The following ARMC9 variants were observed in gnomAD, a reference collection of about 807,000 sequenced individuals.
The protein encoded by ARMC9 is lisH domain-containing protein ARMC9.
A neutral mutation model predicts 107.0 loss-of-function variants in ARMC9; 94 were observed. The ratio of observed to expected loss-of-function variants is 0.88; its 90% CI spans 0.74 to 1.04. The LOEUF is 1.04. ARMC9 is among the 50% of genes least tolerant of loss of function. ARMC9 has a pLI of 0.00. For synonymous variants in ARMC9, 380 were observed against 396.9 expected (o/e 0.96, Z 0.51); for missense variants, 942 against 1,030.1 (o/e 0.91, Z 1.17).
chr2:231,355,606 G>T (rs1046905045), intron 21 of ARMC9, among the ~76,000 whole-genome samples, 192 bp from the exon 22 acceptor site: 6 of 152,238 alleles, frequency 3.9e-5, no homozygotes, highest in African/African-American at 1.2e-4. Context: ...GGAACAAGGG[G>T]AGGCTACTGC....
At chr2:231,219,763 T>C (rs2033913651) in intron 5 of ARMC9, among the ~76,000 whole-genome samples, 1 of 152,104 alleles carries the variant, frequency 6.6e-6, no homozygotes, top group South Asian at 2.1e-4. Flanking sequence ...TTAGACCTAT[T>C]ATATTCTCCA....
At chr2:231,234,623 T>C (rs1171073106) in intron 7 of ARMC9, among the ~76,000 whole-genome samples, 1 of 151,916 alleles carries the variant, frequency 6.6e-6, no homozygotes, top group Non-Finnish European at 1.5e-5. Flanking sequence ...TGAGACAGAG[T>C]CTCACTCTGT....
intron 19 of ARMC9, among the ~76,000 whole-genome samples, chr2:231,304,333 T>G (rs141343281): frequency 1.6e-4 from 25 of 152,364 alleles, no homozygotes; most frequent in African/African-American, 6.0e-4. Flanking sequence ...CCATGCAGGA[T>G]TTTGTATTAT....
At chr2:231,213,037 A>G (rs565861768) in intron 3 of ARMC9, among the ~76,000 whole-genome samples, 2 of 152,338 alleles carry the variant, frequency 1.3e-5, no homozygotes, top group African/African-American at 4.8e-5. Flanking sequence ...TGTGTAACCA[A>G]ACACTGTTAC....
intron 23 of ARMC9, among the ~76,000 whole-genome samples, chr2:231,361,982 C>T (rs898030283): frequency 1.3e-5 from 2 of 152,008 alleles, no homozygotes; most frequent in Admixed American, 6.6e-5. Flanking sequence ...AAGCCGAAAT[C>T]GGAACTGTGG....
In ARMC9 at chr2:231,339,319, ACT is replaced by A. The variant is rs201257171; in HGVS notation, c.1879-5653_1879-5652del. ...CTCTAGCTCTGGGCGACAGAGCAAG[ACT>A]CTGTCTTGTGAAAAAAAAAAAAATT... On this transcript the variant is annotated intron_variant, in intron 20 of 24. Coordinates refer to ENST00000611582, the MANE Select transcript of ARMC9 (RefSeq NM_001352754.2). Among the ~76,000 whole-genome samples, 890 of 151,216 alleles carry A rather than the reference ACT, an allele frequency of 5.9e-3. 24 individuals carry two copies. Among genetic ancestry groups the A allele is most frequent in the Admixed American group, 0.05 (763 of 15,180 alleles).
chr2:231,239,928 G>A lies in ARMC9; in HGVS notation c.781-15G>A. On this transcript the variant is annotated splice_polypyrimidine_tract_variant and intron_variant, in intron 8 of 24. Coordinates refer to ENST00000611582, the MANE Select transcript of ARMC9 (RefSeq NM_001352754.2). Reference sequence around the variant, plus strand: ...TTTCATGCCATCACCAGATGTCTTTGTATCCTCCTTGCAGATCACCCCTGA... The same window carrying A: ...TTTCATGCCATCACCAGATGTCTTTATATCCTCCTTGCAGATCACCCCTGA... The A allele has an allele frequency of 1.2e-6, 2 of 1,608,670 alleles. No homozygotes were observed. The highest frequency in any genetic ancestry group is 1.7e-6 in the Non-Finnish European group (2 of 1,175,386).
chr2:231,225,794 T>A (rs942531169), intron 6 of ARMC9, among the ~76,000 whole-genome samples: 3 of 152,194 alleles, frequency 2.0e-5, no homozygotes, highest in African/African-American at 7.2e-5. Flanking sequence ...CTAAAATTGA[T>A]TGTAGTGATG....
At chr2:231,245,645 A>G (rs1289303402) in intron 9 of ARMC9, among the ~76,000 whole-genome samples, 8 of 152,196 alleles carry the variant, frequency 5.3e-5, no homozygotes, top group South Asian at 2.1e-4. Flanking sequence ...CTTGAAGTAT[A>G]TATCATTAAC....
In ARMC9 at chr2:231,358,350, AATTGATTG is replaced by A. The variant is rs143556558; in HGVS notation, c.2132-2379_2132-2372del. ...CTTCTCCATCCCTCCCCTCCACTTC[AATTGATTG>A]ATTGATTGATTGATTGATTGATTGT... On this transcript the variant is annotated intron_variant, in intron 22 of 24. Coordinates refer to ENST00000611582, the MANE Select transcript of ARMC9 (RefSeq NM_001352754.2). The surrounding 1 kb of genome is among the most constrained non-coding windows in gnomAD (Gnocchi z 4.5). Among the ~76,000 whole-genome samples, 108 of 151,078 alleles carry A rather than the reference AATTGATTG, an allele frequency of 7.1e-4. No homozygotes were observed. Among genetic ancestry groups the A allele is most frequent in the African/African-American group, 1.9e-3 (76 of 40,788 alleles).
chr2:231,347,864 G>T (rs2044876485), intron 21 of ARMC9, among the ~76,000 whole-genome samples: 1 of 152,172 alleles, frequency 6.6e-6, no homozygotes, highest in Non-Finnish European at 1.5e-5. Context: ...TTTCAGAGTT[G>T]ATTTAACTAT....
At chr2:231,293,003 C>T (rs1421659721) in intron 18 of ARMC9, among the ~76,000 whole-genome samples, 1 of 152,194 alleles carries the variant, frequency 6.6e-6, no homozygotes, top group Non-Finnish European at 1.5e-5. Flanking sequence ...CAGAGCCTCA[C>T]TGCCTGGGTC....
At chr2:231,307,301 G>C (rs943134139) in intron 19 of ARMC9, among the ~76,000 whole-genome samples, 3 of 152,120 alleles carry the variant, frequency 2.0e-5, no homozygotes, top group Non-Finnish European at 2.9e-5. Flanking sequence ...GTGGGCTCTC[G>C]AGCAAAGGGG....
At chr2:231,221,319 T>C (rs2034102533) in intron 5 of ARMC9, among the ~76,000 whole-genome samples, 1 of 152,166 alleles carries the variant, frequency 6.6e-6, no homozygotes, top group Non-Finnish European at 1.5e-5. Context: ...ATTAAGGTCA[T>C]ATTGGATTAA....
At position 231,374,879 on chromosome 2, in the gene ARMC9, G is replaced by T. The variant is rs2046149855; in HGVS notation, c.*3344G>T. 6.6e-6 allele frequency: 1 copy of T among 152,142 alleles called. No individual in the cohort carries two copies. Among genetic ancestry groups the T allele is most frequent in the African/African-American group, 2.4e-5 (1 of 41,416 alleles). The allele number at this position is 152,142 out of a possible 1,614,324, so 9.4% of individuals were successfully genotyped here. On this transcript the variant is annotated 3_prime_UTR_variant, in exon 25 of 25. Transcript: ENST00000611582. ...TAGCCCTTTAAATTTTGTATGCAAG[G>T]TGAATACCTCACCCCTCTCTCCTGG... is the stretch of plus-strand genomic sequence containing the variant.
At chr2:231,318,102 C>T (rs1249886376) in intron 19 of ARMC9, among the ~76,000 whole-genome samples, 7 of 151,718 alleles carry the variant, frequency 4.6e-5, no homozygotes, top group African/African-American at 1.7e-4. Flanking sequence ...TTATAGATAA[C>T]GTGTTGTCGT....
At chr2:231,288,669 A>G in intron 17 of ARMC9, 1 of 471,230 alleles carries the variant, frequency 2.1e-6, no homozygotes, top group Non-Finnish European at 4.4e-6. Flanking sequence ...GGTCCCCTGA[A>G]GGAGTGACTG....
chr2:231,282,700 T>C lies in ARMC9; in HGVS notation c.1626+567T>C, dbSNP rs556189653. ...CTTCAAAACACAGGCAAAATTCTCA[T>C]TGAGACCAACAAAACATTCTTCTAA... is the stretch of plus-strand genomic sequence containing the variant. On this transcript the variant is annotated intron_variant, in intron 17 of 24. Transcript: ENST00000611582. Among the ~76,000 whole-genome samples the C allele has an allele frequency of 1.4e-4, 21 of 152,348 alleles. 1 individual carries two copies. The highest frequency in any genetic ancestry group is 2.1e-4 in the Non-Finnish European group (14 of 68,032).
At chr2:231,199,627 C>T (rs1440681685) in intron 1 of ARMC9, among the ~76,000 whole-genome samples, 1 of 152,198 alleles carries the variant, frequency 6.6e-6, no homozygotes, top group African/African-American at 2.4e-5. Flanking sequence ...CATTGCCTGG[C>T]ATACCATATA....
Sources: gnomAD v4.1 joint callset for allele counts (sites outside exome capture counted in the v4.1 genomes callset) on GRCh38, gnomAD v4.1.1 for gene constraint, Gnocchi (gnomAD v3.1) non-coding constraint, MANE v1.5 for transcripts, NCBI Gene and HGNC (gene_info 2026-07-23, HGNC 2026-07-21) for gene names.